The following GAB2 variants were observed in gnomAD, a reference collection of about 807,000 sequenced individuals.
The protein encoded by GAB2 is GRB2-associated-binding protein 2.
A neutral mutation model predicts 65.5 loss-of-function variants in GAB2; 26 were observed. The observed-to-expected ratio is 0.40, with a 90% CI of 0.29 to 0.55. GAB2 has a LOEUF of 0.55. GAB2 is among the 20% of genes least tolerant of loss of function. The pLI, the probability that GAB2 is intolerant of heterozygous loss-of-function variation, is 0.53. For synonymous variants in GAB2, 321 were observed against 329.6 expected (o/e 0.97, Z 0.28); for missense variants, 884 against 875.8 (o/e 1.01, Z -0.12).
At position 78,217,692 on chromosome 11, in the gene GAB2, G is replaced by C. The variant is rs1176762727; in HGVS notation, c.*1580C>G. ...CCTTAGTTTAAGAGAAGGAACCTTG[G>C]GTGATGCCCTACACCCCGTCCCTGC... On this transcript the variant is annotated 3_prime_UTR_variant, in exon 10 of 10. Transcript: ENST00000361507. 1 of 152,190 alleles carries C rather than the reference G, an allele frequency of 6.6e-6. No individual in the cohort carries two copies. Among genetic ancestry groups the C allele is most frequent in the Non-Finnish European group, 1.5e-5 (1 of 68,072 alleles). 9.4% of individuals were successfully genotyped at this position (152,190 alleles called of 1,614,324 possible).
intron 1 of GAB2, among the ~76,000 whole-genome samples, chr11:78,412,125 C>A (rs1591097671): frequency 6.9e-6 from 1 of 144,280 alleles, no homozygotes; most frequent in Admixed American, 7.1e-5. Flanking sequence ...GTAACAAGAG[C>A]AAAACTCCAT....
intron 1 of GAB2, among the ~76,000 whole-genome samples, chr11:78,336,977 A>T (rs1258426368): frequency 6.6e-6 from 1 of 152,248 alleles, no homozygotes; most frequent in East Asian, 1.9e-4. Flanking sequence ...ATTGTATTCA[A>T]CTGCTCAGAA....
chr11:78,229,833 G>C (rs781422165), intron 3 of GAB2, among the ~76,000 whole-genome samples: 6 of 152,186 alleles, frequency 3.9e-5, no homozygotes, highest in Non-Finnish European at 8.8e-5. Context: ...GTTGGGCTGT[G>C]TCTGGAAGGC....
At chr11:78,290,540 T>A (rs1310598528) in intron 1 of GAB2, among the ~76,000 whole-genome samples, 1 of 152,196 alleles carries the variant, frequency 6.6e-6, no homozygotes, top group Non-Finnish European at 1.5e-5. Flanking sequence ...TAACTTCCTC[T>A]TATTGCTCTT....
At chr11:78,369,897 T>C (rs1856544620) in intron 1 of GAB2, among the ~76,000 whole-genome samples, 1 of 152,150 alleles carries the variant, frequency 6.6e-6, no homozygotes. Flanking sequence ...TGTTTGTTTG[T>C]TTTAGCATTT....
intron 2 of GAB2, among the ~76,000 whole-genome samples, chr11:78,271,198 A>G (rs559224141): frequency 1.9e-4 from 29 of 152,262 alleles, no homozygotes; most frequent in Non-Finnish European, 4.0e-4. Flanking sequence ...ATAGCTGCCC[A>G]CAACTGAGCC....
intron 1 of GAB2, among the ~76,000 whole-genome samples, chr11:78,287,525 G>T (rs1249397185): frequency 1.3e-5 from 2 of 152,102 alleles, no homozygotes; most frequent in East Asian, 3.9e-4. Context: ...TAATCTTCCT[G>T]CCTTGGCCTC....
chr11:78,355,708 C>G lies in GAB2; in HGVS notation c.75+61938G>C, dbSNP rs1429340913. 4.3e-5 allele frequency among the ~76,000 whole-genome samples: 6 copies of G among 138,824 alleles called. No individual in the cohort carries two copies. In the South Asian group the frequency reaches 1.3e-3, roughly 31 times the overall value. The allele number at this position is 138,824 out of a possible 152,430, so 91.1% of individuals were successfully genotyped here. A position where few individuals can be genotyped will look rare whatever the true frequency, so the allele number is the denominator to read the frequency against. Reference sequence around the variant, plus strand: ...AAAAAAAAAAAAAAAAAAAAAAGACCAAGCTCAGAACTCATTAAATGATCA... The same window carrying G: ...AAAAAAAAAAAAAAAAAAAAAAGACGAAGCTCAGAACTCATTAAATGATCA... On this transcript the variant is annotated intron_variant, in intron 1 of 9. Transcript: ENST00000361507.
chr11:78,235,885 G>C (rs936132995), intron 3 of GAB2, among the ~76,000 whole-genome samples: 1 of 152,138 alleles, frequency 6.6e-6, no homozygotes, highest in Non-Finnish European at 1.5e-5. Flanking sequence ...CAGTTCCAAA[G>C]TCGCTTCCAC....
At chr11:78,292,734 C>G (rs1007559357) in intron 1 of GAB2, among the ~76,000 whole-genome samples, 1 of 152,202 alleles carries the variant, frequency 6.6e-6, no homozygotes, top group Non-Finnish European at 1.5e-5. Context: ...GCTATCCTTC[C>G]TCTAGCAATC....
rs201542938 is a variant in GAB2, at chr11:78,417,723, T to G, written c.-3A>C. The G allele has an allele frequency of 3.0e-6, 4 of 1,318,442 alleles. No individual in the cohort carries two copies. The highest frequency in any genetic ancestry group is 4.0e-6 in the Non-Finnish European group (4 of 1,007,426). 81.7% of individuals were successfully genotyped at this position (1,318,442 alleles called of 1,614,324 possible). A position where few individuals can be genotyped will look rare whatever the true frequency, so the allele number is the denominator to read the frequency against. On this transcript the variant is annotated 5_prime_UTR_variant, in exon 1 of 10. Transcript: ENST00000361507. ...ACCACGTCGCCGCCGCCGCTCATGC[T>G]GCCGGCCTGGAGCCCCCCGCCGGGT...
intron 1 of GAB2, among the ~76,000 whole-genome samples, chr11:78,300,464 A>G (rs1436846383): frequency 6.6e-6 from 1 of 151,498 alleles, no homozygotes; most frequent in Non-Finnish European, 1.5e-5. Flanking sequence ...TCCTGGTTAA[A>G]TACCTAGGAG....
chr11:78,318,839 G>A (rs981514934), intron 1 of GAB2, among the ~76,000 whole-genome samples: 1 of 152,180 alleles, frequency 6.6e-6, no homozygotes, highest in Non-Finnish European at 1.5e-5. Flanking sequence ...ATCGGAGGCA[G>A]CACTGGAAAA....
chr11:78,245,120 C>A (rs987122756), intron 3 of GAB2, among the ~76,000 whole-genome samples: 1 of 152,042 alleles, frequency 6.6e-6, no homozygotes, highest in African/African-American at 2.4e-5. Flanking sequence ...CAGACTCACA[C>A]AGACAGAAAG....
chr11:78,276,810 TTTTA>T (rs145409881), intron 2 of GAB2, among the ~76,000 whole-genome samples: 30,011 of 151,760 alleles, frequency 0.2, 3,218 homozygotes, highest in East Asian at 0.4. Context: ...TTTTTATTTA[TTTTA>T]TTTATTTATT....
intron 1 of GAB2, among the ~76,000 whole-genome samples, chr11:78,408,304 T>C (rs1436968549): frequency 2.6e-5 from 4 of 152,188 alleles, no homozygotes; most frequent in Admixed American, 6.5e-5. Flanking sequence ...AAAATGATGA[T>C]ACAGACTTCA....
chr11:78,317,558 CAAAAAAAAAAAA>C (rs370515492), intron 1 of GAB2, among the ~76,000 whole-genome samples: 1 of 60,806 alleles, frequency 1.6e-5, no homozygotes, highest in Non-Finnish European at 3.2e-5. Flanking sequence ...GACTCCGTCT[CAAAAAAAAAAAA>C]AAAAAAAAAA....
chr11:78,249,018 A>G (rs908448848), intron 3 of GAB2, among the ~76,000 whole-genome samples: 12 of 152,178 alleles, frequency 7.9e-5, no homozygotes, highest in African/African-American at 2.9e-4. Flanking sequence ...CATGTTCTTC[A>G]TGAAAATGGG....
At chr11:78,310,349 A>G (rs912244476) in intron 1 of GAB2, among the ~76,000 whole-genome samples, 5 of 107,378 alleles carry the variant, frequency 4.7e-5, no homozygotes, top group African/African-American at 1.4e-4. Context: ...AAAAATACAA[A>G]AAAAAAAAAA....
Sources: gnomAD v4.1 joint callset for allele counts (sites outside exome capture counted in the v4.1 genomes callset) on GRCh38, gnomAD v4.1.1 for gene constraint, MANE v1.5 for transcripts, NCBI Gene and HGNC (gene_info 2026-07-23, HGNC 2026-07-21) for gene names.